Variants in MARVELD3 observed in about 807,000 individuals in gnomAD.
MARVELD3 encodes the protein MARVEL domain containing 3, also known as MARVEL domain-containing protein 3.
A neutral mutation model predicts 33.5 loss-of-function variants in MARVELD3; 28 were observed. The ratio of observed to expected loss-of-function variants is 0.84; its 90% CI spans 0.62 to 1.15. MARVELD3 has a LOEUF of 1.15. MARVELD3 is among the 50% of genes most tolerant of loss of function. MARVELD3 has a pLI of 0.00. For synonymous variants in MARVELD3, 241 were observed against 230.4 expected (o/e 1.05, Z -0.42); for missense variants, 582 against 547.6 (o/e 1.06, Z -0.63).
Position 71,626,752 on chromosome 16 carries a change from C to T in MARVELD3, c.467+56C>T. ...CGCCGGGGACACCTGTGGCCCAGGC[C>T]GGCCCGCGAGGCCCTGGCGTCCCCG... is the stretch of plus-strand genomic sequence containing the variant. On this transcript the variant is annotated intron_variant, in intron 1 of 2. Transcript: ENST00000268485. The surrounding 1 kb of genome is among the most constrained non-coding windows in gnomAD (Gnocchi z 5.3). 7.4e-7 allele frequency: 1 copy of T among 1,354,504 alleles called. No individual in the cohort carries two copies. 83.9% of individuals were successfully genotyped at this position (1,354,504 alleles called of 1,614,324 possible). A position where few individuals can be genotyped will look rare whatever the true frequency, so the allele number is the denominator to read the frequency against.
rs1185472902 is a variant in MARVELD3 at position 71,626,530 on chromosome 16, G to T, written c.301G>T (p.Ala101Ser). ...RDTHRDAGPR[A>S]GEHGVWEKPR... ...CACACACAGGGACGCGGGCCCTCGC[G>T]CAGGTGAACACGGAGTTTGGGAAAA... is the stretch of plus-strand genomic sequence containing the variant. Residue 101 changes from alanine (A) to serine (S), a missense_variant, in exon 1 of 3, where the codon GCA becomes TCA. Physicochemically the swap from Ala to Ser is moderately conservative, Grantham distance 99. Coordinates refer to ENST00000268485, the MANE Select transcript of MARVELD3 (RefSeq NM_052858.6). This position sits in a 1 kb window ranked among gnomAD's most constrained non-coding sequence, Gnocchi z 5.3. 6.5e-7 allele frequency: 1 copy of T among 1,549,686 alleles called. No individual in the cohort carries two copies. The highest frequency in any genetic ancestry group is 2.0e-5 in the Admixed American group (1 of 51,040).
downstream of MARVELD3, among the ~76,000 whole-genome samples, chr16:71,640,079 G>C (rs1183264877): frequency 6.6e-6 from 1 of 151,880 alleles, no homozygotes. Context: ...GACCAGCCTG[G>C]CCAACATGGT....
downstream of MARVELD3, among the ~76,000 whole-genome samples, chr16:71,639,608 G>A (rs901285412): frequency 4.0e-5 from 6 of 150,540 alleles, no homozygotes; most frequent in Non-Finnish European, 5.9e-5. Flanking sequence ...TGCCACACCC[G>A]GCTAATTTTT....
chr16:71,640,968 C>G (rs774293472), downstream of MARVELD3: 7 of 1,613,582 alleles, frequency 4.3e-6, no homozygotes, highest in Non-Finnish European at 5.1e-6. Context: ...CAAAGGCAGC[C>G]GAGAACAGCC....
intron 2 of MARVELD3, among the ~76,000 whole-genome samples, chr16:71,631,064 A>C (rs1241414258): frequency 6.6e-6 from 1 of 152,216 alleles, no homozygotes; most frequent in Non-Finnish European, 1.5e-5. Context: ...TAAGGGAGAG[A>C]ACTTATGGAG....
exon 3 of MARVELD3, chr16:71,641,702 C>G (rs1199669744): frequency 6.6e-6 from 1 of 151,858 alleles, no homozygotes; most frequent in South Asian, 2.1e-4. Flanking sequence ...TGAGCAAACT[C>G]CACTCCACGT....
intron 1 of MARVELD3, among the ~76,000 whole-genome samples, chr16:71,628,273 A>T (rs922286061): frequency 6.6e-6 from 1 of 152,148 alleles, no homozygotes; most frequent in Non-Finnish European, 1.5e-5. Context: ...GGTGGCTCAC[A>T]CCTGTAATCC....
Position 71,634,739 on chromosome 16 carries a change from C to T in MARVELD3, c.1142C>T (p.Ala381Val). The T allele has an allele frequency of 6.2e-7, 1 of 1,612,520 alleles. No individual in the cohort carries two copies. The highest frequency in any genetic ancestry group is 8.5e-7 in the Non-Finnish European group (1 of 1,179,592). ...GTCTTTGCCCTGGGGGCTGTCCTGG[C>T]CATAAAGGGCTACCGAAAAGTTAGG... ...IVVFALGAVL[A>V]IKGYRKVRKL... Residue 381 changes from alanine (A) to valine (V), a missense_variant, in exon 3 of 3, where the codon GCC becomes GTC. Transcript: ENST00000268485.
chr16:71,641,151 A>T, downstream of MARVELD3: 1 of 1,244,914 alleles, frequency 8.0e-7, no homozygotes, highest in Admixed American at 2.8e-5. Context: ...CTTTGGACTG[A>T]GGCAAAGTTA....
intron 2 of MARVELD3, among the ~76,000 whole-genome samples, chr16:71,631,820 G>T (rs974550953): frequency 1.3e-5 from 2 of 152,180 alleles, no homozygotes; most frequent in African/African-American, 4.8e-5. Flanking sequence ...CAATAATGTT[G>T]TTTGCATTCT....
downstream of MARVELD3, chr16:71,638,515 T>G (rs1164016472): frequency 6.6e-6 from 1 of 152,492 alleles, no homozygotes; most frequent in African/African-American, 2.4e-5. Context: ...AAAGGAACAC[T>G]GGACAATTAT....
At position 71,635,538 on chromosome 16, in the gene MARVELD3, T is replaced by C. The variant is rs2044575298; in HGVS notation, c.*735T>C. 2 of 983,486 alleles carry C rather than the reference T, an allele frequency of 2.0e-6. No individual in the cohort carries two copies. The highest frequency in any genetic ancestry group is 2.4e-6 in the Non-Finnish European group (2 of 828,758). 60.9% of individuals were successfully genotyped at this position (983,486 alleles called of 1,614,324 possible). A position where few individuals can be genotyped will look rare whatever the true frequency, so the allele number is the denominator to read the frequency against. ...AGGAGGATTGCTTGAACCCAGGAGTTCAAGTTTGCAGTGCGCTATGATTGT... is the reference window on the plus strand; with the variant it reads ...AGGAGGATTGCTTGAACCCAGGAGTCCAAGTTTGCAGTGCGCTATGATTGT... On this transcript the variant is annotated 3_prime_UTR_variant, in exon 3 of 3. Coordinates refer to ENST00000268485, the MANE Select transcript of MARVELD3 (RefSeq NM_052858.6).
rs2044572062 is a variant in MARVELD3 at position 71,635,191 on chromosome 16, T to C, written c.*388T>C. The C allele has an allele frequency of 1.4e-6, 1 of 737,116 alleles. No homozygotes were observed. The highest frequency in any genetic ancestry group is 1.7e-6 in the Non-Finnish European group (1 of 601,674). 45.7% of individuals were successfully genotyped at this position (737,116 alleles called of 1,614,324 possible). A position where few individuals can be genotyped will look rare whatever the true frequency, so the allele number is the denominator to read the frequency against. On this transcript the variant is annotated 3_prime_UTR_variant, in exon 3 of 3. Transcript: ENST00000268485. Reference sequence around the variant, plus strand: ...AAAATACAAAAAAATTAGCCAGGCGTGGTGGCGGGCGCCTGTAATCCCAGC... The same window carrying C: ...AAAATACAAAAAAATTAGCCAGGCGCGGTGGCGGGCGCCTGTAATCCCAGC...
chr16:71,636,737 C>T (rs1050842825), downstream of MARVELD3, among the ~76,000 whole-genome samples: 3 of 152,030 alleles, frequency 2.0e-5, no homozygotes, highest in Non-Finnish European at 1.5e-5. Flanking sequence ...ACTACAGGCC[C>T]GTGCCACTGT....
At chr16:71,640,691 G>A (rs774745800), downstream of MARVELD3, 1 of 1,614,238 alleles carries the variant, frequency 6.2e-7, no homozygotes, top group East Asian at 2.2e-5. Context: ...CAGGGAAGTG[G>A]CTCCTCACGG....
Position 71,626,224 on chromosome 16 carries a change from C to G in MARVELD3, c.-6C>G. The G allele has an allele frequency of 6.8e-7, 1 of 1,465,486 alleles. No homozygotes were observed. Among genetic ancestry groups the G allele is most frequent in the Non-Finnish European group, 9.0e-7 (1 of 1,111,938 alleles). 90.8% of individuals were successfully genotyped at this position (1,465,486 alleles called of 1,614,324 possible). A position where few individuals can be genotyped will look rare whatever the true frequency, so the allele number is the denominator to read the frequency against. On this transcript the variant is annotated 5_prime_UTR_variant, in exon 1 of 3. Transcript: ENST00000268485. This position sits in a 1 kb window ranked among gnomAD's most constrained non-coding sequence, Gnocchi z 5.3. ...TCGCTCCCGGGCGGGGACACGGAAC[C>G]CGGCCATGGAAGATCCGTCGGGGGC...
exon 3 of MARVELD3, chr16:71,641,862 G>A (rs576724045): frequency 6.6e-6 from 1 of 152,280 alleles, no homozygotes; most frequent in Admixed American, 6.5e-5. Context: ...CCATAGAGTA[G>A]GTCTTCAAAG....
chr16:71,631,536 C>T (rs1172255671), intron 2 of MARVELD3, among the ~76,000 whole-genome samples: 2 of 151,996 alleles, frequency 1.3e-5, no homozygotes, highest in Admixed American at 1.3e-4. Context: ...CTCTGCCTCC[C>T]GGGTGCCAGT....
chr16:71,636,672 C>T (rs1481177741), downstream of MARVELD3, among the ~76,000 whole-genome samples: 1 of 152,104 alleles, frequency 6.6e-6, no homozygotes, highest in Non-Finnish European at 1.5e-5. Flanking sequence ...CTTACTGCAA[C>T]CTCTGCCTCC....
Sources: allele counts gnomAD v4.1 joint callset (sites outside exome capture counted in the v4.1 genomes callset), GRCh38; gene constraint gnomAD v4.1.1; non-coding constraint Gnocchi (gnomAD v3.1); transcripts MANE v1.5; gene names NCBI Gene and HGNC (gene_info 2026-07-23, HGNC 2026-07-21).